PACRG: variants seen among roughly 807,000 people sequenced by gnomAD.
PACRG encodes the protein parkin coregulated.
PACRG carries 29 observed loss-of-function variants against 29.7 expected under a neutral mutation model. The ratio of observed to expected loss-of-function variants is 0.98; its 90% CI spans 0.73 to 1.33. The LOEUF (loss-of-function observed/expected upper bound fraction) is 1.33, where lower values mean the gene tolerates loss of function less well. Among genes scored for constraint, PACRG ranks in the 40% most tolerant of loss-of-function variants. The pLI, the probability that PACRG is intolerant of heterozygous loss-of-function variation, is 0.00. For synonymous variants in PACRG, 116 were observed against 118.7 expected, an observed-to-expected ratio of 0.98 and a Z score of 0.15; for missense variants, 279 against 316.2, an observed-to-expected ratio of 0.88 and a Z score of 0.89.
At chr6:163,126,812 T>C (rs1050907707) in intron 4 of PACRG, among the ~76,000 whole-genome samples, 7 of 152,228 alleles carry the variant, frequency 4.6e-5, no homozygotes, top group African/African-American at 1.7e-4. Flanking sequence ...ACAAGGCCCA[T>C]GGTGTTCACA....
intron 2 of PACRG, among the ~76,000 whole-genome samples, chr6:162,973,781 T>A (rs1225401357): frequency 6.6e-6 from 1 of 152,120 alleles, no homozygotes; most frequent in Non-Finnish European, 1.5e-5. Context: ...TGTGTGTGTA[T>A]GCGTGCGCAC....
intron 2 of PACRG, among the ~76,000 whole-genome samples, chr6:162,961,648 A>G (rs1470769203): frequency 6.6e-6 from 1 of 152,058 alleles, no homozygotes; most frequent in Admixed American, 6.5e-5. Context: ...GAATGGTGGC[A>G]CCACCTTCTG....
At chr6:162,830,416 C>G (rs992016624) in intron 2 of PACRG, among the ~76,000 whole-genome samples, 1 of 152,180 alleles carries the variant, frequency 6.6e-6, no homozygotes, top group South Asian at 2.1e-4. Context: ...CCAGGTCTCC[C>G]GCTGGCCTTC....
chr6:163,159,466 A>G (rs1283114778), intron 4 of PACRG, among the ~76,000 whole-genome samples: 1 of 152,044 alleles, frequency 6.6e-6, no homozygotes, highest in African/African-American at 2.4e-5. Context: ...TTGCATTTAT[A>G]CAATTTTTAA....
chr6:162,744,754 A>G (rs1178944308), intron 1 of PACRG, among the ~76,000 whole-genome samples: 1 of 152,226 alleles, frequency 6.6e-6, no homozygotes, highest in Non-Finnish European at 1.5e-5. Context: ...TTTTAAAAAC[A>G]TGACTCACTG....
intron 2 of PACRG, among the ~76,000 whole-genome samples, chr6:162,981,230 G>T: frequency 6.6e-6 from 1 of 150,870 alleles, no homozygotes; most frequent in African/African-American, 2.4e-5. Flanking sequence ...TCCTTTTGAT[G>T]GCTGAGTAGT....
intron 2 of PACRG, among the ~76,000 whole-genome samples, chr6:163,022,955 A>G (rs1253294350): frequency 6.6e-6 from 1 of 151,838 alleles, no homozygotes; most frequent in African/African-American, 2.4e-5. Context: ...TTTTTTTCAT[A>G]TTTTTACTTT....
intron 2 of PACRG, among the ~76,000 whole-genome samples, chr6:162,880,087 C>T (rs181901331): frequency 1.4e-4 from 22 of 152,250 alleles, no homozygotes; most frequent in Admixed American, 2.6e-4. Context: ...GGGGGTCCTC[C>T]AACACCCCCT....
chr6:163,274,264 A>C (rs1783947828), intron 4 of PACRG, among the ~76,000 whole-genome samples: 1 of 152,090 alleles, frequency 6.6e-6, no homozygotes, highest in African/African-American at 2.4e-5. Flanking sequence ...CCCACCTATG[A>C]GTGAGAACAT....
chr6:162,963,205 T>C (rs1004517823), intron 2 of PACRG, among the ~76,000 whole-genome samples: 3 of 152,156 alleles, frequency 2.0e-5, no homozygotes, highest in Non-Finnish European at 4.4e-5. Flanking sequence ...ATTTAAAGTA[T>C]AAAAGATTTC....
intron 2 of PACRG, among the ~76,000 whole-genome samples, chr6:162,822,923 T>C (rs1042291901): frequency 6.6e-6 from 1 of 152,168 alleles, no homozygotes; most frequent in Non-Finnish European, 1.5e-5. Flanking sequence ...GTATAACATA[T>C]AACATATGTT....
At chr6:163,291,651 T>G (rs1784615299) in intron 4 of PACRG, among the ~76,000 whole-genome samples, 1 of 152,252 alleles carries the variant, frequency 6.6e-6, no homozygotes, top group Admixed American at 6.5e-5. Flanking sequence ...CACAGTAACT[T>G]CAGAACGTGG....
chr6:162,759,361 A>G (rs991428094), intron 1 of PACRG, among the ~76,000 whole-genome samples: 3 of 152,160 alleles, frequency 2.0e-5, no homozygotes, highest in African/African-American at 4.8e-5. Context: ...GCCGTGGCTC[A>G]CATAACCATG....
At chr6:162,783,003 T>G in intron 1 of PACRG, among the ~76,000 whole-genome samples, 1 of 151,918 alleles carries the variant, frequency 6.6e-6, no homozygotes, top group East Asian at 1.9e-4. Context: ...AAAGTTCTTC[T>G]AAATCTATGT....
Position 162,777,183 on chromosome 6 carries a change from G to T in PACRG, c.157-36964G>T, listed in dbSNP as rs75067693. On this transcript the variant is annotated intron_variant, in intron 1 of 4. Transcript: ENST00000366888. This position sits in a 1 kb window ranked among gnomAD's most constrained non-coding sequence, Gnocchi z 4.0. ...GCACAAACCCTGATCTCTCTTCAGG[G>T]GCCTCTTCAAAAGTTCAGTATCAGA... is the stretch of plus-strand genomic sequence containing the variant. 0.012 allele frequency among the ~76,000 whole-genome samples: 1,866 copies of T among 152,252 alleles called. 17 individuals are homozygous for T. Among genetic ancestry groups the T allele is most frequent in the Middle Eastern group, 0.02 (6 of 294 alleles).
intron 1 of PACRG, among the ~76,000 whole-genome samples, chr6:162,793,312 G>A (rs1785109562): frequency 6.6e-6 from 1 of 152,060 alleles, no homozygotes; most frequent in South Asian, 2.1e-4. Context: ...GATTCTCTAG[G>A]GAACATGCCT....
intron 4 of PACRG, among the ~76,000 whole-genome samples, chr6:163,267,167 G>T (rs562709163): frequency 6.6e-6 from 1 of 152,160 alleles, no homozygotes; most frequent in Non-Finnish European, 1.5e-5. Flanking sequence ...TCTGCCACTC[G>T]TTGGTGCTGG....
intron 4 of PACRG, among the ~76,000 whole-genome samples, chr6:163,248,850 T>TA (rs372963188): frequency 7.9e-5 from 12 of 151,416 alleles, no homozygotes; most frequent in South Asian, 2.1e-4. Context: ...CCGTTTCTAC[T>TA]AAAAAAAATA....
intron 1 of PACRG, among the ~76,000 whole-genome samples, chr6:162,738,466 C>A (rs1780334774): frequency 6.6e-6 from 1 of 152,190 alleles, no homozygotes; most frequent in African/African-American, 2.4e-5. Flanking sequence ...ACTAACACAG[C>A]TAAATGCAGA....
Sources: allele counts gnomAD v4.1 joint callset (sites outside exome capture counted in the v4.1 genomes callset), GRCh38; gene constraint gnomAD v4.1.1; non-coding constraint Gnocchi (gnomAD v3.1); transcripts MANE v1.5; gene names NCBI Gene and HGNC (gene_info 2026-07-23, HGNC 2026-07-21).